Variants in ATP8A1 observed in about 807,000 individuals in gnomAD.
ATP8A1 encodes ATPase phospholipid transporting 8A1, also known as phospholipid-transporting ATPase IA.
A neutral mutation model predicts 177.7 loss-of-function variants in ATP8A1; 90 were observed. The ratio of observed to expected loss-of-function variants is 0.51; its 90% CI spans 0.43 to 0.60. The LOEUF (loss-of-function observed/expected upper bound fraction) is 0.60. Among genes scored for constraint, ATP8A1 ranks in the 20% least tolerant of loss-of-function variants. The probability of loss-of-function intolerance (pLI) is 0.00; values close to 1 mark genes in which losing one functional copy is unlikely to be tolerated. For synonymous variants in ATP8A1, 493 were observed against 485.9 expected (o/e 1.01, Z -0.19); for missense variants, 1,072 against 1,392.8 (o/e 0.77, Z 3.67).
Position 42,624,601 on chromosome 4 carries a change from T to C in ATP8A1, c.298A>G (p.Thr100Ala). The C allele has an allele frequency of 6.8e-7, 1 of 1,478,014 alleles. No individual in the cohort carries two copies. Among genetic ancestry groups the C allele is most frequent in the Non-Finnish European group, 9.0e-7 (1 of 1,110,092 alleles). 91.6% of individuals were successfully genotyped at this position (1,478,014 alleles called of 1,614,324 possible). Residue 100 changes from threonine to alanine, a missense_variant, in exon 4 of 37, where the codon ACA (threonine) becomes GCA (alanine). Physicochemically the swap from Thr to Ala is moderately conservative, Grantham distance 58 (BLOSUM62 0). Around this residue, in one of 5 missense-constraint regions of ATP8A1, gnomAD observed 344 missense variants for 393.5 expected, o/e 0.87. Coordinates refer to ENST00000381668, the MANE Select transcript of ATP8A1 (RefSeq NM_006095.2). ...IPDVSPTGRYTTLVPLLFILA... is the reference protein window; with the variant it reads ...IPDVSPTGRYATLVPLLFILA... ...ATAAATAAGAGAGGAACCAGTGTTG[T>C]ATAACGACCTGTTGGTGACACATCA...
At chr4:42,447,476 C>A (rs1372770544) in intron 30 of ATP8A1, among the ~76,000 whole-genome samples, 1 of 152,098 alleles carries the variant, frequency 6.6e-6, no homozygotes, top group Non-Finnish European at 1.5e-5. Context: ...AGCCACTGCA[C>A]CTGGCCGCCT....
chr4:42,512,914 A>G (rs1372828051), intron 22 of ATP8A1, among the ~76,000 whole-genome samples: 1 of 152,200 alleles, frequency 6.6e-6, no homozygotes, highest in Non-Finnish European at 1.5e-5. Context: ...CAGATGGTGA[A>G]TACTGTAAAG....
rs548563068 is a variant in ATP8A1 at position 42,536,364 on chromosome 4, T to C, written c.1722+7553A>G. 8.7e-4 allele frequency among the ~76,000 whole-genome samples: 133 copies of C among 152,250 alleles called. 1 individual carries two copies. The South Asian group carries it at 0.016, about 18-fold the overall frequency. On this transcript the variant is annotated intron_variant, in intron 20 of 36. Coordinates refer to ENST00000381668, the MANE Select transcript of ATP8A1 (RefSeq NM_006095.2). ...CATAAACTAGAAAACCCAGAGGAGA[T>C]GGACAAATTCCTGGAAATATACAAC... is the stretch of plus-strand genomic sequence containing the variant.
chr4:42,622,388 A>G (rs954493551), intron 4 of ATP8A1, among the ~76,000 whole-genome samples: 5 of 151,586 alleles, frequency 3.3e-5, no homozygotes, highest in Non-Finnish European at 7.4e-5. Flanking sequence ...TCTCAAAAAC[A>G]AAAAAAACAA....
Position 42,412,793 on chromosome 4 carries a change from G to C in ATP8A1, c.*123C>G. On this transcript the variant is annotated 3_prime_UTR_variant, in exon 37 of 37. Coordinates refer to ENST00000381668, the MANE Select transcript of ATP8A1 (RefSeq NM_006095.2). The stretch of plus-strand genomic sequence containing the variant: ...TACATGAATCTGAATGTCCATCAGC[G>C]AGATGAGCTCAGATCTACCTTTCCT... 1 of 710,010 alleles carries C rather than the reference G, an allele frequency of 1.4e-6. No individual in the cohort carries two copies. The highest frequency in any genetic ancestry group is 2.4e-6 in the Non-Finnish European group (1 of 416,010). 44.0% of individuals were successfully genotyped at this position (710,010 alleles called of 1,614,324 possible).
chr4:42,526,054 A>G (rs1726638378), intron 20 of ATP8A1, among the ~76,000 whole-genome samples: 1 of 152,190 alleles, frequency 6.6e-6, no homozygotes, highest in Non-Finnish European at 1.5e-5. Context: ...TTTCAATGAT[A>G]TTAATACATT....
chr4:42,465,099 A>T (rs1719592546), intron 25 of ATP8A1, 23 bp from the exon 26 acceptor site: 4 of 1,590,852 alleles, frequency 2.5e-6, no homozygotes, highest in Non-Finnish European at 3.4e-6. Context: ...CACATTATCA[A>T]TTACTGTTTT....
chr4:42,547,802 T>A (rs1729077036), intron 19 of ATP8A1, among the ~76,000 whole-genome samples: 1 of 152,196 alleles, frequency 6.6e-6, no homozygotes, highest in Non-Finnish European at 1.5e-5. Flanking sequence ...TCACTCCTAA[T>A]CAAGACAGCA....
intron 11 of ATP8A1, 98 bp downstream of exon 11, chr4:42,579,715 C>A: frequency 1.8e-6 from 2 of 1,130,296 alleles, no homozygotes; most frequent in South Asian, 1.5e-5. Flanking sequence ...GCAACAAGGT[C>A]TTTTTAGAAA....
intron 6 of ATP8A1, among the ~76,000 whole-genome samples, chr4:42,591,747 A>G (rs1336974817): frequency 1.3e-5 from 2 of 152,196 alleles, no homozygotes; most frequent in African/African-American, 4.8e-5. Context: ...ATGAAAGCCT[A>G]CGAAACACAG....
intron 5 of ATP8A1, among the ~76,000 whole-genome samples, chr4:42,611,392 C>G (rs187978238): frequency 6.6e-6 from 1 of 152,052 alleles, no homozygotes; most frequent in Non-Finnish European, 1.5e-5. Flanking sequence ...AAATAGGGTA[C>G]GATATTAAAC....
At position 42,571,865 on chromosome 4, in the gene ATP8A1, G is replaced by A. The variant is rs149068050; in HGVS notation, c.1296-2660C>T. 4.3e-3 allele frequency among the ~76,000 whole-genome samples: 653 copies of A among 152,258 alleles called. 9 individuals carry two copies. Among genetic ancestry groups the A allele is most frequent in the African/African-American group, 0.013 (551 of 41,544 alleles). On this transcript the variant is annotated intron_variant, in intron 14 of 36. Coordinates refer to ENST00000381668, the MANE Select transcript of ATP8A1 (RefSeq NM_006095.2). ...GCCCATCATGAATCCAATTTGGGGC[G>A]AAGGTTCAGGGAAATCAAAGAAAAT...
intron 24 of ATP8A1, among the ~76,000 whole-genome samples, chr4:42,488,678 T>C (rs1056969459): frequency 2.0e-5 from 3 of 152,174 alleles, no homozygotes; most frequent in African/African-American, 7.2e-5. Flanking sequence ...GAGCCTAACT[T>C]TCCTTCCCAG....
At chr4:42,437,805 G>A (rs1014652720) in intron 33 of ATP8A1, among the ~76,000 whole-genome samples, 3 of 152,088 alleles carry the variant, frequency 2.0e-5, no homozygotes, top group South Asian at 2.1e-4. Context: ...ACCAACTCTC[G>A]GCTGGGTCTA....
At chr4:42,603,080 G>C (rs1735463882) in intron 5 of ATP8A1, among the ~76,000 whole-genome samples, 1 of 151,866 alleles carries the variant, frequency 6.6e-6, no homozygotes, top group Non-Finnish European at 1.5e-5. Context: ...AAAACTATAA[G>C]TGTCCAATAT....
chr4:42,569,802 C>T (rs1010103182), intron 14 of ATP8A1, among the ~76,000 whole-genome samples: 2 of 152,120 alleles, frequency 1.3e-5, no homozygotes, highest in African/African-American at 4.8e-5. Context: ...CTCTTTATTT[C>T]AAACAGGAAA....
intron 1 of ATP8A1, among the ~76,000 whole-genome samples, chr4:42,652,769 T>C (rs1741230747): frequency 6.6e-6 from 1 of 152,230 alleles, no homozygotes; most frequent in Non-Finnish European, 1.5e-5. Flanking sequence ...ACACGCTCTT[T>C]TGCCTTTGCT....
At chr4:42,446,476 C>T in intron 31 of ATP8A1, 107 bp downstream of exon 31, 2 of 1,144,934 alleles carry the variant, frequency 1.7e-6, no homozygotes, top group South Asian at 1.6e-5. Context: ...CCGTAAACAA[C>T]CCTTAAATCC....
intron 15 of ATP8A1, among the ~76,000 whole-genome samples, chr4:42,559,252 A>C (rs1730569169): frequency 6.6e-6 from 1 of 152,220 alleles, no homozygotes; most frequent in South Asian, 2.1e-4. Context: ...ACTGGGAAAA[A>C]ATATTTCCAA....
Sources: allele counts gnomAD v4.1 joint callset (sites outside exome capture counted in the v4.1 genomes callset), GRCh38; gene constraint gnomAD v4.1.1; regional missense constraint gnomAD v4.1.1; transcripts MANE v1.5; gene names NCBI Gene and HGNC (gene_info 2026-07-23, HGNC 2026-07-21).